Variants in ZFHX3 observed in about 807,000 individuals in gnomAD.
ZFHX3 encodes the protein zinc finger homeobox protein 3.
ZFHX3 carries 42 observed loss-of-function variants against 279.1 expected under a neutral mutation model. The ratio of observed to expected loss-of-function variants is 0.15; its 90% CI spans 0.12 to 0.19. The LOEUF (loss-of-function observed/expected upper bound fraction) is 0.19. ZFHX3 is among the 10% of genes least tolerant of loss of function. ZFHX3 has a pLI of 1.00. For missense variants in ZFHX3, 4,981 were observed against 4,754.0 expected (o/e 1.05, Z -1.40); for synonymous variants, 2,293 against 1,957.8 (o/e 1.17, Z -4.52).
chr16:72,908,617 T>C (rs1597368705), intron 3 of ZFHX3, among the ~76,000 whole-genome samples: 1 of 152,206 alleles, frequency 6.6e-6, no homozygotes, highest in Admixed American at 6.5e-5. Context: ...TGCCTCTGGG[T>C]GTCAGTCCCG....
chr16:73,179,069 T>C (rs934887529), intron 5 of ZFHX3, among the ~76,000 whole-genome samples: 10 of 152,240 alleles, frequency 6.6e-5, no homozygotes, highest in Non-Finnish European at 1.5e-4. Flanking sequence ...CCGTAACTCA[T>C]ACAGTTAGCA....
At chr16:72,883,009 T>TGTGTGTGTG in intron 4 of ZFHX3, among the ~76,000 whole-genome samples, 1 of 142,746 alleles carries the variant, frequency 7.0e-6, no homozygotes, top group South Asian at 2.3e-4. Flanking sequence ...TGTGTGTGTG[T>TGTGTGTGTG]GTGTGTGTGT....
chr16:73,278,368 T>C (rs182790758), intron 4 of ZFHX3, among the ~76,000 whole-genome samples: 6 of 152,138 alleles, frequency 3.9e-5, no homozygotes, highest in Non-Finnish European at 8.8e-5. Context: ...AGGAAGAAAG[T>C]TGTGGTTGCT....
intron 1 of ZFHX3, among the ~76,000 whole-genome samples, chr16:73,856,757 C>T (rs1352033713): frequency 6.6e-6 from 1 of 152,210 alleles, no homozygotes; most frequent in Non-Finnish European, 1.5e-5. Flanking sequence ...TTATCTTGAC[C>T]AGCCTGCCCT....
intron 1 of ZFHX3, among the ~76,000 whole-genome samples, chr16:72,994,539 G>A (rs914107380): frequency 1.3e-5 from 2 of 152,192 alleles, no homozygotes; most frequent in East Asian, 1.9e-4. Flanking sequence ...CGAGCCAAGG[G>A]GGCCTGGCTA....
At chr16:73,771,692 G>C (rs139300489) in intron 1 of ZFHX3, among the ~76,000 whole-genome samples, 2 of 151,892 alleles carry the variant, frequency 1.3e-5, no homozygotes, top group African/African-American at 4.8e-5. Flanking sequence ...TCTGAATGTA[G>C]TGACAGGACT....
At chr16:73,622,518 T>C (rs1022360130) in intron 2 of ZFHX3, among the ~76,000 whole-genome samples, 4 of 151,960 alleles carry the variant, frequency 2.6e-5, no homozygotes, top group Non-Finnish European at 5.9e-5. Context: ...GCCGAGATCG[T>C]GCCACTGCAC....
chr16:73,459,450 C>T (rs1188383034), intron 2 of ZFHX3, among the ~76,000 whole-genome samples: 1 of 152,148 alleles, frequency 6.6e-6, no homozygotes, highest in African/African-American at 2.4e-5. Flanking sequence ...GCAACCTCCA[C>T]CTCCTGGGTT....
chr16:73,453,856 C>G (rs1331823815), intron 3 of ZFHX3, among the ~76,000 whole-genome samples: 1 of 152,196 alleles, frequency 6.6e-6, no homozygotes, highest in Non-Finnish European at 1.5e-5. Context: ...TCTTGTGAGA[C>G]TTATTCACTA....
At chr16:73,858,872 A>G (rs1387749213) in intron 1 of ZFHX3, among the ~76,000 whole-genome samples, 1 of 152,206 alleles carries the variant, frequency 6.6e-6, no homozygotes, top group Non-Finnish European at 1.5e-5. Context: ...AGAGGATCCC[A>G]AGATCTGATT....
At chr16:73,752,102 G>A (rs930713988) in intron 1 of ZFHX3, among the ~76,000 whole-genome samples, 1 of 152,272 alleles carries the variant, frequency 6.6e-6, no homozygotes. Context: ...GGTCCAGAGA[G>A]AAACAAAGAT....
At chr16:73,773,304 C>A (rs2054040261) in intron 1 of ZFHX3, among the ~76,000 whole-genome samples, 1 of 152,224 alleles carries the variant, frequency 6.6e-6, no homozygotes, top group African/African-American at 2.4e-5. Context: ...GTCTCCCTTT[C>A]TTTATGGTCC....
chr16:73,459,538 AT>A (rs1354239116), intron 2 of ZFHX3, among the ~76,000 whole-genome samples: 1 of 151,836 alleles, frequency 6.6e-6, no homozygotes, highest in East Asian at 1.9e-4. Context: ...ATTTTTGTAA[AT>A]TTTTTTTAAG....
At chr16:73,588,673 G>T (rs1429441087) in intron 2 of ZFHX3, among the ~76,000 whole-genome samples, 2 of 142,680 alleles carry the variant, frequency 1.4e-5, no homozygotes, top group Non-Finnish European at 3.0e-5. Flanking sequence ...CTGGGCAGCA[G>T]AGTGAGACTC....
intron 1 of ZFHX3, among the ~76,000 whole-genome samples, chr16:73,878,780 T>C (rs1286082256): frequency 6.6e-6 from 1 of 151,848 alleles, no homozygotes; most frequent in East Asian, 1.9e-4. Context: ...TTAAGTCTTA[T>C]TGGTTCAAGG....
chr16:73,251,546 G>A (rs541495577), intron 5 of ZFHX3, among the ~76,000 whole-genome samples: 115 of 152,188 alleles, frequency 7.6e-4, no homozygotes, highest in African/African-American at 2.6e-3. Context: ...GGTCTTAGTC[G>A]CTACACCGTG....
chr16:73,843,317 A>G (rs1482125579), intron 1 of ZFHX3, among the ~76,000 whole-genome samples: 1 of 152,190 alleles, frequency 6.6e-6, no homozygotes, highest in African/African-American at 2.4e-5. Flanking sequence ...AAAAGCCCCA[A>G]GTTGCTCTGT....
chr16:73,537,235 G>A (rs1429803275), intron 2 of ZFHX3, among the ~76,000 whole-genome samples: 1 of 150,462 alleles, frequency 6.6e-6, no homozygotes. Context: ...ACCACTTTCA[G>A]CCCTAAGAGG....
At chr16:73,557,132 G>C (rs972431824) in intron 2 of ZFHX3, among the ~76,000 whole-genome samples, 1 of 139,052 alleles carries the variant, frequency 7.2e-6, no homozygotes, top group African/African-American at 3.2e-5. Flanking sequence ...GCCTCAGTGA[G>C]CTGAGACAGC....
Sources: allele counts gnomAD v4.1 joint callset (sites outside exome capture counted in the v4.1 genomes callset), GRCh38; gene constraint gnomAD v4.1.1; transcripts MANE v1.5; gene names NCBI Gene and HGNC (gene_info 2026-07-23, HGNC 2026-07-21).